The following PXDNL variants were observed in gnomAD, a reference collection of about 807,000 sequenced individuals.
PXDNL encodes the protein probable oxidoreductase PXDNL.
PXDNL carries 145 observed loss-of-function variants against 150.8 expected under a neutral mutation model. That is an observed-to-expected ratio of 0.96 (90% CI 0.84 to 1.10). PXDNL has a LOEUF of 1.10. PXDNL is among the 50% of genes least tolerant of loss of function. The pLI is 0.00. For missense variants in PXDNL, 2,087 were observed against 1,873.9 expected (o/e 1.11, Z -2.10); for synonymous variants, 757 against 725.7 (o/e 1.04, Z -0.69).
rs182702823 is a variant in PXDNL at position 51,511,255 on chromosome 8, C to G, written c.381-11485G>C. On this transcript the variant is annotated intron_variant, in intron 4 of 22. Transcript: ENST00000356297. The stretch of plus-strand genomic sequence containing the variant: ...ATTGCAGATCATCTGTAAAAATCAC[C>G]TAGCACCTTCCTGATACATAGCAGA... 1.4e-3 allele frequency among the ~76,000 whole-genome samples: 214 copies of G among 152,298 alleles called. 1 individual carries two copies. The highest frequency in any genetic ancestry group is 3.4e-3 in the Middle Eastern group (1 of 294).
Position 51,371,914 on chromosome 8 carries a change from A to T in PXDNL, c.3860T>A (p.Ile1287Asn), listed in dbSNP as rs1295878701. The change falls in exon 19 of 23, where the codon ATC (isoleucine) becomes AAC (asparagine). Residue 1287 changes from isoleucine (I) to asparagine (N), a missense_variant. Transcript: ENST00000356297. ...CCACACTCGCAGGTCCACCTTCGGG[A>T]TCTCGCTGCAGTTCAGGTAATCCTG... is the stretch of plus-strand genomic sequence containing the variant. ...YPQDYLNCSEIPKVDLRVWQD... is the reference protein window; with the variant it reads ...YPQDYLNCSENPKVDLRVWQD... 1.2e-6 allele frequency: 2 copies of T among 1,613,984 alleles called. No homozygotes were observed. The highest frequency in any genetic ancestry group is 1.7e-6 in the Non-Finnish European group (2 of 1,179,894).
At chr8:51,804,578 C>T (rs531121018) in intron 1 of PXDNL, among the ~76,000 whole-genome samples, 3 of 152,296 alleles carry the variant, frequency 2.0e-5, no homozygotes, top group South Asian at 4.1e-4. Flanking sequence ...TGTCATTCAA[C>T]TTTTCCCATG....
chr8:51,441,404 C>T (rs1809545648), intron 12 of PXDNL, among the ~76,000 whole-genome samples: 2 of 152,140 alleles, frequency 1.3e-5, no homozygotes, highest in Non-Finnish European at 2.9e-5. Flanking sequence ...AAGTGTCACA[C>T]AGAAGCGGAG....
At chr8:51,370,233 G>C (rs569673880) in intron 19 of PXDNL, among the ~76,000 whole-genome samples, 2 of 152,352 alleles carry the variant, frequency 1.3e-5, no homozygotes, top group South Asian at 4.1e-4. Context: ...AGAAGAGCTA[G>C]AAATGGTATG....
rs147156895 is a variant in PXDNL, at chr8:51,366,158, G to T, written c.3901+5715C>A. 2.1e-3 allele frequency among the ~76,000 whole-genome samples: 315 copies of T among 152,320 alleles called. 1 individual carries two copies. The highest frequency in any genetic ancestry group is 7.0e-3 in the African/African-American group (289 of 41,570). ...ATTGCTAAATTAAGCTTAGCCCAAAGCTGCCTCCTTACATATTTTAAGTTT... is the reference window on the plus strand; with the variant it reads ...ATTGCTAAATTAAGCTTAGCCCAAATCTGCCTCCTTACATATTTTAAGTTT... On this transcript the variant is annotated intron_variant, in intron 19 of 22. Transcript: ENST00000356297.
chr8:51,398,363 C>T (rs1379702288), intron 17 of PXDNL, among the ~76,000 whole-genome samples: 1 of 152,136 alleles, frequency 6.6e-6, no homozygotes, highest in Non-Finnish European at 1.5e-5. Flanking sequence ...ACCTTGGGGC[C>T]CCCCACAGTC....
intron 4 of PXDNL, among the ~76,000 whole-genome samples, chr8:51,539,451 G>A (rs1423037896): frequency 1.3e-5 from 2 of 151,918 alleles, no homozygotes; most frequent in Non-Finnish European, 2.9e-5. Flanking sequence ...TGTGATTTTG[G>A]TGTCATAAAA....
rs112467342 is a variant in PXDNL at position 51,404,170 on chromosome 8, A to C, written c.3557+3897T>G. 3.2e-3 allele frequency among the ~76,000 whole-genome samples: 489 copies of C among 152,354 alleles called. 3 individuals are homozygous for C. Among genetic ancestry groups the C allele is most frequent in the African/African-American group, 0.011 (466 of 41,596 alleles). ...AGCTCATAAAGGCAGTGTGAACCCA[A>C]AGAGTAAGCAGCAGCAATATTTATC... is the stretch of plus-strand genomic sequence containing the variant. On this transcript the variant is annotated intron_variant, in intron 17 of 22. Transcript: ENST00000356297.
At chr8:51,607,143 A>G (rs937324691) in intron 2 of PXDNL, among the ~76,000 whole-genome samples, 2 of 152,182 alleles carry the variant, frequency 1.3e-5, no homozygotes, top group Non-Finnish European at 1.5e-5. Flanking sequence ...ACCAATATTT[A>G]TTGATTCTCA....
chr8:51,508,176 G>A (rs1030563292), intron 4 of PXDNL, among the ~76,000 whole-genome samples: 1 of 152,198 alleles, frequency 6.6e-6, no homozygotes, highest in African/African-American at 2.4e-5. Context: ...AGTGAAACAG[G>A]CTGGAATAAA....
At chr8:51,406,198 T>C (rs1280480739) in intron 17 of PXDNL, among the ~76,000 whole-genome samples, 1 of 152,208 alleles carries the variant, frequency 6.6e-6, no homozygotes, top group Non-Finnish European at 1.5e-5. Flanking sequence ...TAGCTGCCAA[T>C]TGAGAAGTGA....
At chr8:51,769,792 C>A (rs572062963) in intron 1 of PXDNL, among the ~76,000 whole-genome samples, 5 of 152,144 alleles carry the variant, frequency 3.3e-5, no homozygotes, top group Non-Finnish European at 5.9e-5. Flanking sequence ...TAAACTCCCA[C>A]CATCTTTCTT....
Position 51,767,521 on chromosome 8 carries a change from T to C in PXDNL, c.164+41660A>G, listed in dbSNP as rs561672028. Among the ~76,000 whole-genome samples the C allele has an allele frequency of 7.5e-4, 114 of 152,286 alleles. 1 individual carries two copies. Among genetic ancestry groups the C allele is most frequent in the Non-Finnish European group, 1.3e-3 (88 of 68,014 alleles). The stretch of plus-strand genomic sequence containing the variant: ...CTTAAACACCTTGAACCAATCAGTC[T>C]CCCATGCTTTGTTCAGGGGCTGTAT... On this transcript the variant is annotated intron_variant, in intron 1 of 22. Coordinates refer to ENST00000356297, the MANE Select transcript of PXDNL (RefSeq NM_144651.5).
chr8:51,436,571 T>G (rs1009157847), intron 12 of PXDNL: 1 of 214,578 alleles, frequency 4.7e-6, no homozygotes, highest in East Asian at 1.2e-4. Flanking sequence ...CTCAAAACCA[T>G]GCAAATACAT....
At chr8:51,713,754 A>G (rs529175745) in intron 1 of PXDNL, among the ~76,000 whole-genome samples, 1 of 152,366 alleles carries the variant, frequency 6.6e-6, no homozygotes, top group South Asian at 2.1e-4. Flanking sequence ...GTATAAGAAG[A>G]GCTGATTAGC....
Position 51,809,270 on chromosome 8 carries a change from G to C in PXDNL, c.75C>G (p.Pro25=). 1 of 1,602,690 alleles carries C rather than the reference G, an allele frequency of 6.2e-7. No homozygotes were observed. The highest frequency in any genetic ancestry group is 8.5e-7 in the Non-Finnish European group (1 of 1,174,524). ...AGWCLPGLPC[P]SRCLCFKSTV... The stretch of plus-strand genomic sequence containing the variant: ...TGCTCTTAAAGCAAAGGCACCGGCT[G>C]GGGCAGGGCAACCCTGGCAGGCACC... The change falls in exon 1 of 23, where the codon CCC becomes CCG. Residue 25 remains proline, a synonymous_variant. Transcript: ENST00000356297.
At chr8:51,486,979 G>T (rs1365526716) in intron 5 of PXDNL, among the ~76,000 whole-genome samples, 1 of 150,844 alleles carries the variant, frequency 6.6e-6, no homozygotes, top group African/African-American at 2.4e-5. Context: ...TATTTTTGTA[G>T]AGACGGGGTT....
At chr8:51,700,192 CACA>C (rs772967785) in intron 1 of PXDNL, among the ~76,000 whole-genome samples, 4 of 115,950 alleles carry the variant, frequency 3.4e-5, no homozygotes, top group Admixed American at 8.4e-5. Context: ...CACACACACA[CACA>C]CCATCACACA....
intron 1 of PXDNL, among the ~76,000 whole-genome samples, chr8:51,672,692 G>A (rs1322628306): frequency 6.6e-6 from 1 of 152,000 alleles, no homozygotes; most frequent in Non-Finnish European, 1.5e-5. Context: ...TCTAGGGTGA[G>A]GAGAAATAAC....
Sources: allele counts gnomAD v4.1 joint callset (sites outside exome capture counted in the v4.1 genomes callset), GRCh38; gene constraint gnomAD v4.1.1; transcripts MANE v1.5; gene names NCBI Gene and HGNC (gene_info 2026-07-23, HGNC 2026-07-21).